The following TMEM132D variants were observed in gnomAD, a reference collection of about 807,000 sequenced individuals.
The protein encoded by TMEM132D is transmembrane protein 132D.
Under a neutral mutation model 62.3 loss-of-function variants are expected in TMEM132D, and 21 were observed. The ratio of observed to expected loss-of-function variants is 0.34; its 90% confidence interval spans 0.24 to 0.49. The LOEUF is 0.49. Ranked by LOEUF, TMEM132D falls within the 20% of genes least tolerant of loss-of-function variation. The pLI, the probability that TMEM132D is intolerant of heterozygous loss-of-function variation, is 0.99. For missense variants in TMEM132D, 1,346 were observed against 1,402.8 expected, an observed-to-expected ratio of 0.96 and a Z score of 0.65; for synonymous variants, 621 against 575.6, an observed-to-expected ratio of 1.08 and a Z score of -1.13.
intron 5 of TMEM132D, among the ~76,000 whole-genome samples, chr12:129,141,463 G>A (rs1302132844): frequency 6.6e-6 from 1 of 152,196 alleles, no homozygotes; most frequent in Admixed American, 6.5e-5. Flanking sequence ...GTATATGATG[G>A]AAAAACTCAA....
At chr12:129,298,111 G>C (rs1183972240) in intron 4 of TMEM132D, among the ~76,000 whole-genome samples, 1 of 152,038 alleles carries the variant, frequency 6.6e-6, no homozygotes, top group Non-Finnish European at 1.5e-5. Context: ...CAACTCATGG[G>C]TGGGATTCAT....
intron 2 of TMEM132D, among the ~76,000 whole-genome samples, chr12:129,544,884 A>G (rs1413167943): frequency 6.6e-6 from 1 of 152,210 alleles, no homozygotes; most frequent in South Asian, 2.1e-4. Flanking sequence ...TAACTGGCAA[A>G]TGTGTTTTCA....
chr12:129,532,631 G>A (rs570023315), intron 2 of TMEM132D, among the ~76,000 whole-genome samples: 17 of 152,304 alleles, frequency 1.1e-4, no homozygotes, highest in Admixed American at 9.1e-4. Context: ...TTTGGGGAGC[G>A]TTCCCTCCCT....
intron 5 of TMEM132D, among the ~76,000 whole-genome samples, chr12:129,107,140 G>T (rs1242237748): frequency 1.3e-5 from 2 of 152,186 alleles, no homozygotes; most frequent in Non-Finnish European, 2.9e-5. Flanking sequence ...TCATGTGCAA[G>T]AGCTCTAATA....
intron 4 of TMEM132D, among the ~76,000 whole-genome samples, chr12:129,280,969 T>A (rs979106414): frequency 6.6e-6 from 1 of 152,100 alleles, no homozygotes; most frequent in Non-Finnish European, 1.5e-5. Flanking sequence ...CGCCACAATA[T>A]TTTGAAATTT....
intron 4 of TMEM132D, among the ~76,000 whole-genome samples, chr12:129,249,662 T>C (rs548798265): frequency 1.0e-3 from 155 of 152,284 alleles, no homozygotes; most frequent in African/African-American, 3.5e-3. Context: ...GGGAGATTTA[T>C]CCATTTCCAT....
At chr12:129,375,195 A>T (rs1870749585) in intron 3 of TMEM132D, among the ~76,000 whole-genome samples, 1 of 152,262 alleles carries the variant, frequency 6.6e-6, no homozygotes, top group Non-Finnish European at 1.5e-5. Context: ...GGGAGATGAT[A>T]AATCAACATC....
At chr12:129,713,668 G>A (rs1868458965) in intron 1 of TMEM132D, among the ~76,000 whole-genome samples, 2 of 152,180 alleles carry the variant, frequency 1.3e-5, no homozygotes. Flanking sequence ...AGGTGTGTGA[G>A]TCCCAGCCAC....
At chr12:129,530,176 A>G (rs574736278) in intron 3 of TMEM132D, among the ~76,000 whole-genome samples, 2 of 152,342 alleles carry the variant, frequency 1.3e-5, no homozygotes, top group East Asian at 3.9e-4. Flanking sequence ...GCCAAAAAAA[A>G]TCATAATAGT....
chr12:129,339,196 G>A (rs1158596778), intron 3 of TMEM132D, among the ~76,000 whole-genome samples: 4 of 151,954 alleles, frequency 2.6e-5, no homozygotes, highest in Admixed American at 1.3e-4. Context: ...GAACCTGGGA[G>A]GCAGAGGTTG....
intron 1 of TMEM132D, among the ~76,000 whole-genome samples, chr12:129,791,877 G>A (rs558517854): frequency 1.3e-5 from 2 of 152,112 alleles, no homozygotes; most frequent in Non-Finnish European, 2.9e-5. Flanking sequence ...TTTCCAGGAG[G>A]CTGTTTAACA....
At chr12:129,522,041 G>T (rs1453079863) in intron 3 of TMEM132D, among the ~76,000 whole-genome samples, 1 of 151,956 alleles carries the variant, frequency 6.6e-6, no homozygotes, top group Non-Finnish European at 1.5e-5. Flanking sequence ...AATTTATAAC[G>T]CAAGAGCTTA....
rs150548793 is a variant in TMEM132D at position 129,452,236 on chromosome 12, A to G, written c.1115+78823T>C. On this transcript the variant is annotated intron_variant, in intron 3 of 8. Coordinates refer to ENST00000422113, the MANE Select transcript of TMEM132D (RefSeq NM_133448.3). ...GTGCGTAATAGCGCCTGTCTTGGAA[A>G]AAATGAATAACATGCCGAACACCGG... 8.0e-3 allele frequency among the ~76,000 whole-genome samples: 1,223 copies of G among 152,336 alleles called. 21 individuals carry two copies. Among genetic ancestry groups the G allele is most frequent in the African/African-American group, 0.027 (1,111 of 41,578 alleles).
At chr12:129,162,166 A>G (rs1877417654) in intron 5 of TMEM132D, among the ~76,000 whole-genome samples, 1 of 152,218 alleles carries the variant, frequency 6.6e-6, no homozygotes, top group South Asian at 2.1e-4. Context: ...AAATGAGGTC[A>G]TAAGGGTGGG....
intron 2 of TMEM132D, among the ~76,000 whole-genome samples, chr12:129,612,901 T>C (rs1042092756): frequency 2.0e-5 from 3 of 152,206 alleles, no homozygotes; most frequent in Admixed American, 1.3e-4. Flanking sequence ...CCTGGACTTT[T>C]GTTGCCCAAA....
chr12:129,866,009 G>C (rs1261678568), intron 1 of TMEM132D, among the ~76,000 whole-genome samples: 1 of 152,076 alleles, frequency 6.6e-6, no homozygotes, highest in African/African-American at 2.4e-5. Context: ...TTTGGTGTTT[G>C]TTTTGGTTTG....
chr12:129,780,583 C>T (rs1871091336), intron 1 of TMEM132D, among the ~76,000 whole-genome samples: 1 of 152,092 alleles, frequency 6.6e-6, no homozygotes, highest in Non-Finnish European at 1.5e-5. Context: ...CTTCCCCAAA[C>T]TTTGCTTTAC....
At chr12:129,694,258 T>TG (rs1446853674) in intron 2 of TMEM132D, among the ~76,000 whole-genome samples, 1 of 152,150 alleles carries the variant, frequency 6.6e-6, no homozygotes, top group African/African-American at 2.4e-5. Context: ...TTTGCCTCTG[T>TG]GGTTTTCCTC....
chr12:129,787,005 G>A (rs959645206), intron 1 of TMEM132D, among the ~76,000 whole-genome samples: 13 of 152,172 alleles, frequency 8.5e-5, no homozygotes, highest in Non-Finnish European at 1.5e-4. Context: ...AGAATGATGA[G>A]GGGCTGTGAG....
Sources: gnomAD v4.1 joint callset for allele counts (sites outside exome capture counted in the v4.1 genomes callset) on GRCh38, gnomAD v4.1.1 for gene constraint, MANE v1.5 for transcripts, NCBI Gene and HGNC (gene_info 2026-07-23, HGNC 2026-07-21) for gene names.